GMDS: variants seen among roughly 807,000 people sequenced by gnomAD.
GMDS encodes GDP-mannose 4,6-dehydratase.
In GMDS, 20 loss-of-function variants were observed where a neutral mutation model predicts 49.9. The ratio of observed to expected loss-of-function variants is 0.40; its 90% CI spans 0.28 to 0.58. The LOEUF (loss-of-function observed/expected upper bound fraction) is 0.58, where lower values mean the gene tolerates loss of function less well. GMDS is among the 20% of genes least tolerant of loss of function. GMDS has a pLI of 0.42. For synonymous variants in GMDS, 177 were observed against 178.6 expected, an observed-to-expected ratio of 0.99 and a Z score of 0.07; for missense variants, 362 against 481.4, an observed-to-expected ratio of 0.75 and a Z score of 2.32.
intron 1 of GMDS, among the ~76,000 whole-genome samples, chr6:2,203,958 G>A (rs1779670467): frequency 6.6e-6 from 1 of 152,204 alleles, no homozygotes; most frequent in African/African-American, 2.4e-5. Context: ...GGGAGGGTGT[G>A]ATTTCCCTTG....
chr6:1,810,718 C>A (rs1770384053), intron 7 of GMDS, among the ~76,000 whole-genome samples: 1 of 152,032 alleles, frequency 6.6e-6, no homozygotes. Flanking sequence ...GTTTCCTCAG[C>A]CAAAGGAGAT....
At chr6:2,042,688 T>C (rs762552428) in intron 4 of GMDS, among the ~76,000 whole-genome samples, 2 of 152,232 alleles carry the variant, frequency 1.3e-5, no homozygotes, top group African/African-American at 4.8e-5. Context: ...TTGATGTATG[T>C]AGTCTTTAGA....
intron 7 of GMDS, among the ~76,000 whole-genome samples, chr6:1,907,541 C>T (rs1260351058): frequency 6.6e-6 from 1 of 152,178 alleles, no homozygotes; most frequent in Non-Finnish European, 1.5e-5. Flanking sequence ...AAATGTTCCA[C>T]CTTTGAAGGT....
chr6:1,965,120 G>C (rs926404251), intron 4 of GMDS, among the ~76,000 whole-genome samples: 2 of 151,872 alleles, frequency 1.3e-5, no homozygotes, highest in African/African-American at 4.8e-5. Flanking sequence ...TGTGAATAGT[G>C]CTGCAATAAA....
At position 1,990,426 on chromosome 6, in the gene GMDS, C is replaced by T. The variant is rs145287574; in HGVS notation, c.346-29460G>A. Among the ~76,000 whole-genome samples, 819 of 152,328 alleles carry T rather than the reference C, an allele frequency of 5.4e-3. 9 individuals carry two copies. The highest frequency in any genetic ancestry group is 0.037 in the Middle Eastern group (11 of 294). ...CACATTCTGGTGTAAAGGAAATTCT[C>T]CATTGACTTCACCTTCTGCTCAGAT... On this transcript the variant is annotated intron_variant, in intron 4 of 10. Coordinates refer to ENST00000380815, the MANE Select transcript of GMDS (RefSeq NM_001500.4).
chr6:1,789,814 G>A lies in GMDS; in HGVS notation c.772-47228C>T, dbSNP rs895864069. On this transcript the variant is annotated intron_variant, in intron 7 of 10. Coordinates refer to ENST00000380815, the MANE Select transcript of GMDS (RefSeq NM_001500.4). ...CTCAGCCTCCCAGTGATGGGATTGTGGGTGTGAGCCACCACACCCAGCCTA... is the reference window on the plus strand; with the variant it reads ...CTCAGCCTCCCAGTGATGGGATTGTAGGTGTGAGCCACCACACCCAGCCTA... 2.6e-5 allele frequency among the ~76,000 whole-genome samples: 4 copies of A among 152,056 alleles called. No individual in the cohort carries two copies. In the East Asian group the frequency reaches 5.8e-4, roughly 22 times the overall value.
At chr6:2,220,096 T>C (rs1780516279) in intron 1 of GMDS, among the ~76,000 whole-genome samples, 2 of 152,186 alleles carry the variant, frequency 1.3e-5, no homozygotes, top group South Asian at 2.1e-4. Flanking sequence ...ATCCTGTCAG[T>C]GTATAAAATC....
At chr6:1,882,409 G>C (rs1270611468) in intron 7 of GMDS, among the ~76,000 whole-genome samples, 1 of 152,194 alleles carries the variant, frequency 6.6e-6, no homozygotes, top group Non-Finnish European at 1.5e-5. Flanking sequence ...AAGTACAACT[G>C]TATACACTCA....
chr6:1,938,981 TCCTCTCTC>T (rs2127257065), intron 6 of GMDS, among the ~76,000 whole-genome samples: 1 of 50,716 alleles, frequency 2.0e-5, no homozygotes, highest in African/African-American at 7.4e-5. Context: ...TCCCCTCCCC[TCCTCTCTC>T]CTCTCCTCTC....
At chr6:1,871,607 C>A (rs532506867) in intron 7 of GMDS, among the ~76,000 whole-genome samples, 1 of 152,070 alleles carries the variant, frequency 6.6e-6, no homozygotes, top group African/African-American at 2.4e-5. Context: ...GTTCATCTAC[C>A]AATTTTATAA....
chr6:1,969,261 C>CAAAAAAAAAAAAAAAAA (rs761741871), intron 4 of GMDS, among the ~76,000 whole-genome samples: 3 of 14,098 alleles, frequency 2.1e-4, no homozygotes, highest in East Asian at 1.8e-3. Context: ...GGCTCCATCT[C>CAAAAAAAAAAAAAAAAA]AAAAAAAAAA....
At chr6:1,878,314 C>CAAAAA (rs11463549) in intron 7 of GMDS, among the ~76,000 whole-genome samples, 9 of 72,542 alleles carry the variant, frequency 1.2e-4, no homozygotes, top group Non-Finnish European at 2.0e-4. Context: ...GAATCCATCT[C>CAAAAA]AAAAAAAAAA....
chr6:1,967,864 G>A (rs1764357623), intron 4 of GMDS, among the ~76,000 whole-genome samples: 1 of 152,216 alleles, frequency 6.6e-6, no homozygotes, highest in Non-Finnish European at 1.5e-5. Flanking sequence ...TTTGTGAGTG[G>A]TAAATCATAG....
intron 1 of GMDS, chr6:2,175,922 A>AT: frequency 1.1e-5 from 14 of 1,318,306 alleles, no homozygotes; most frequent in Non-Finnish European, 1.5e-5. Flanking sequence ...AGGTAATACT[A>AT]TTTTCTCACC....
At chr6:1,669,940 A>T (rs1294760341) in intron 9 of GMDS, among the ~76,000 whole-genome samples, 1 of 140,752 alleles carries the variant, frequency 7.1e-6, no homozygotes, top group Non-Finnish European at 1.6e-5. Flanking sequence ...AAAAAAAAAA[A>T]GCTGTCACCG....
At chr6:1,881,532 C>T (rs1028741295) in intron 7 of GMDS, among the ~76,000 whole-genome samples, 1 of 152,198 alleles carries the variant, frequency 6.6e-6, no homozygotes. Flanking sequence ...AAGAGCATTA[C>T]TGATGTAGTC....
chr6:2,242,073 T>C (rs1232480318), intron 1 of GMDS, among the ~76,000 whole-genome samples: 4 of 152,222 alleles, frequency 2.6e-5, no homozygotes, highest in African/African-American at 4.8e-5. Context: ...AAATTACTTA[T>C]ACAATCAACA....
At chr6:2,013,882 C>CTT (rs1767718612) in intron 4 of GMDS, among the ~76,000 whole-genome samples, 1 of 138,378 alleles carries the variant, frequency 7.2e-6, no homozygotes, top group South Asian at 2.3e-4. Flanking sequence ...AATAACAAAT[C>CTT]AAAAGTCAAG....
At chr6:1,765,140 A>G (rs1220300464) in intron 7 of GMDS, among the ~76,000 whole-genome samples, 1 of 152,166 alleles carries the variant, frequency 6.6e-6, no homozygotes, top group African/African-American at 2.4e-5. Context: ...AACTAAACCA[A>G]AAAGAAAAAA....
Sources: gnomAD v4.1 joint callset for allele counts (sites outside exome capture counted in the v4.1 genomes callset) on GRCh38, gnomAD v4.1.1 for gene constraint, MANE v1.5 for transcripts, NCBI Gene and HGNC (gene_info 2026-07-23, HGNC 2026-07-21) for gene names.